The following TENM1 variants were observed in gnomAD, a reference collection of about 807,000 sequenced individuals.
The protein encoded by TENM1 is teneurin-1.
TENM1 carries 35 observed loss-of-function variants against 174.8 expected under a neutral mutation model. The observed-to-expected ratio is 0.20, with a 90% CI of 0.15 to 0.27. The LOEUF is 0.27. TENM1 is among the 10% of genes least tolerant of loss of function. TENM1 has a pLI of 1.00. For synonymous variants in TENM1, 781 were observed against 798.7 expected (o/e 0.98, Z 0.37); for missense variants, 1,633 against 2,130.1 (o/e 0.77, Z 4.59).
intron 3 of TENM1, among the ~76,000 whole-genome samples, chrX:124,794,202 T>C (rs915365134): frequency 4.5e-5 from 5 of 111,310 alleles, no homozygotes; most frequent in African/African-American, 1.6e-4. Flanking sequence ...AGAACTGTAA[T>C]GACTCTAAAT....
At chrX:124,885,539 T>G (rs193128205) in intron 3 of TENM1, among the ~76,000 whole-genome samples, 1 of 111,002 alleles carries the variant, frequency 9.0e-6, no homozygotes, top group African/African-American at 3.3e-5. Context: ...TATTGGAAAT[T>G]GCTCACATTT....
chrX:124,403,578 A>C (rs1169139295), intron 27 of TENM1, among the ~76,000 whole-genome samples: 1 of 109,998 alleles, frequency 9.1e-6, no homozygotes, highest in African/African-American at 3.3e-5. Context: ...TATTTTGTTC[A>C]TATCAAGCCA....
the TENM1 span, among the ~76,000 whole-genome samples, chrX:125,064,054 G>C: frequency 9.2e-6 from 1 of 108,642 alleles, no homozygotes; most frequent in Non-Finnish European, 1.9e-5. Context: ...GCAAACTATC[G>C]CAAGGACAAA....
chrX:124,596,700 G>A (rs2049899015), intron 11 of TENM1, among the ~76,000 whole-genome samples: 1 of 111,560 alleles, frequency 9.0e-6, no homozygotes, highest in South Asian at 3.8e-4. Context: ...CAGAATGAAT[G>A]GTATGAGATG....
At chrX:124,557,209 G>T (rs934461647) in intron 14 of TENM1, among the ~76,000 whole-genome samples, 2 of 111,642 alleles carry the variant, frequency 1.8e-5, no homozygotes, top group Admixed American at 1.9e-4. Flanking sequence ...GACTAGTGCA[G>T]TTGAGATCCT....
chrX:125,110,408 A>G, the TENM1 span, among the ~76,000 whole-genome samples: 3 of 111,081 alleles, frequency 2.7e-5, no homozygotes, highest in African/African-American at 9.8e-5. Context: ...CCATCCCAAA[A>G]GCTTAAAATC....
intron 4 of TENM1, among the ~76,000 whole-genome samples, chrX:124,706,946 C>CTT (rs1190388752): frequency 5.2e-4 from 46 of 87,976 alleles, no homozygotes; most frequent in Middle Eastern, 5.5e-3. Flanking sequence ...AGTCCTTAAT[C>CTT]TTTTTTTTTT....
chrX:124,619,440 T>C (rs2050467052), intron 11 of TENM1, among the ~76,000 whole-genome samples: 1 of 112,233 alleles, frequency 8.9e-6, no homozygotes, highest in East Asian at 2.8e-4. Flanking sequence ...TTATGTAACA[T>C]ACCATCATAG....
intron 5 of TENM1, among the ~76,000 whole-genome samples, chrX:124,687,681 T>C (rs1187667922): frequency 8.9e-6 from 1 of 111,773 alleles, no homozygotes; most frequent in Non-Finnish European, 1.9e-5. Flanking sequence ...AATCTACCCA[T>C]CTGACAAAGG....
the TENM1 span, among the ~76,000 whole-genome samples, chrX:125,188,629 T>G: frequency 8.9e-6 from 1 of 111,992 alleles, no homozygotes; most frequent in Non-Finnish European, 1.9e-5. Flanking sequence ...ATATTTAAAA[T>G]GTAGTTCAGT....
intron 23 of TENM1, among the ~76,000 whole-genome samples, chrX:124,429,363 AC>A (rs936538258): frequency 4.5e-5 from 5 of 111,358 alleles, no homozygotes; most frequent in African/African-American, 1.6e-4. Flanking sequence ...ATAAAGGTAA[AC>A]AAACAGATTT....
chrX:124,657,619 T>C (rs1175173227), intron 6 of TENM1, among the ~76,000 whole-genome samples: 1 of 111,957 alleles, frequency 8.9e-6, no homozygotes, highest in Admixed American at 9.5e-5. Context: ...TCTGCACATA[T>C]GTGTATATTT....
chrX:125,078,573 A>G, the TENM1 span, among the ~76,000 whole-genome samples: 1 of 111,576 alleles, frequency 9.0e-6, no homozygotes, highest in Non-Finnish European at 1.9e-5. Flanking sequence ...ATTTCACCTC[A>G]TTACCTACTG....
chrX:125,091,543 C>A, the TENM1 span, among the ~76,000 whole-genome samples: 3 of 111,610 alleles, frequency 2.7e-5, no homozygotes, highest in East Asian at 5.6e-4. Context: ...AGAGCTGATT[C>A]ATGGGGGTAT....
intron 3 of TENM1, among the ~76,000 whole-genome samples, chrX:124,809,504 G>T (rs1368524446): frequency 1.8e-5 from 2 of 111,346 alleles, no homozygotes; most frequent in African/African-American, 6.5e-5. Context: ...ATTCATCACA[G>T]GAATGAAAGG....
chrX:124,645,080 T>C, intron 10 of TENM1, 63 bp downstream of exon 13: 1 of 1,105,133 alleles, frequency 9.0e-7, no homozygotes, highest in Non-Finnish European at 1.2e-6. Flanking sequence ...GAGAACAGAA[T>C]GACACCTTGG....
At chrX:125,082,667 A>G in the TENM1 span, among the ~76,000 whole-genome samples, 1 of 111,509 alleles carries the variant, frequency 9.0e-6, no homozygotes, top group African/African-American at 3.3e-5. Context: ...GGCCACTGAC[A>G]ATCATAGCTA....
At chrX:124,424,323 T>G (rs943705921) in intron 23 of TENM1, among the ~76,000 whole-genome samples, 1 of 112,320 alleles carries the variant, frequency 8.9e-6, no homozygotes. Flanking sequence ...CATTTCTTTG[T>G]GTTAAGAACG....
At chrX:125,039,028 A>G in the TENM1 span, among the ~76,000 whole-genome samples, 164 of 111,870 alleles carry the variant, frequency 1.5e-3, no homozygotes, top group African/African-American at 4.8e-3. Flanking sequence ...TGAAAGTCAC[A>G]CAGTTAACTA....
Sources: allele counts gnomAD v4.1 joint callset (sites outside exome capture counted in the v4.1 genomes callset), GRCh38; gene constraint gnomAD v4.1.1; transcripts MANE v1.5; gene names NCBI Gene and HGNC (gene_info 2026-07-23, HGNC 2026-07-21).